The following ABR variants were observed in gnomAD, a reference collection of about 807,000 sequenced individuals.
ABR encodes active breakpoint cluster region-related protein.
ABR carries 35 observed loss-of-function variants against 107.2 expected under a neutral mutation model. The observed-to-expected ratio is 0.33, with a 90% CI of 0.25 to 0.43. The LOEUF is 0.43. ABR is among the 20% of genes least tolerant of loss of function. ABR has a pLI of 1.00. For missense variants in ABR, 815 were observed against 1,115.2 expected (o/e 0.73, Z 3.83); for synonymous variants, 498 against 462.0 (o/e 1.08, Z -1.00).
intron 5 of ABR, 145 bp downstream of exon 5, chr17:1,083,375 G>T: frequency 2.3e-6 from 1 of 443,576 alleles, no homozygotes; most frequent in Non-Finnish European, 4.1e-6. Context: ...AAAATGTCAG[G>T]TGCAAGAAAG....
chr17:1,094,018 G>A (rs1366929933), intron 3 of ABR, among the ~76,000 whole-genome samples: 3 of 143,526 alleles, frequency 2.1e-5, no homozygotes, highest in African/African-American at 5.6e-5. Flanking sequence ...TCTGACCCTC[G>A]CTGTGCTAGA....
In ABR at chr17:1,203,254, G is replaced by T. The variant is rs1051563338; in HGVS notation, c.838+25539C>A. 5.2e-4 allele frequency among the ~76,000 whole-genome samples: 79 copies of T among 152,030 alleles called. 1 individual carries two copies. The highest frequency in any genetic ancestry group is 1.7e-3 in the African/African-American group (72 of 41,534). ...GATCCTGGGGAGACTCCTTGGAAGG[G>T]GCTTCGGATCCAGCCAGGCTCCCGC... On this transcript the variant is annotated intron_variant, in intron 1 of 22. Coordinates refer to the ABR transcript ENST00000574139.
At chr17:1,181,101 C>A (rs2042119830), upstream of ABR, among the ~76,000 whole-genome samples, 1 of 152,196 alleles carries the variant, frequency 6.6e-6, no homozygotes, top group Non-Finnish European at 1.5e-5. Flanking sequence ...CCTACAGAGG[C>A]CTACCAGGAA....
In ABR at chr17:1,095,389, C is replaced by T. The variant is rs74376196; in HGVS notation, c.346-3539G>A. ...CTTGGCTGTTACTCCTGATTTCACT[C>T]GCGGGGAGGGGACAGGGCTGGGTGT... On this transcript the variant is annotated intron_variant, in intron 3 of 22. Transcript: ENST00000302538. Among the ~76,000 whole-genome samples the T allele has an allele frequency of 6.0e-3, 920 of 152,260 alleles. 8 individuals are homozygous for T. Among genetic ancestry groups the T allele is most frequent in the African/African-American group, 0.021 (854 of 41,542 alleles).
Position 1,125,565 on chromosome 17 carries a change from C to T in ABR, c.62-198G>A, listed in dbSNP as rs973250341. 5.3e-5 allele frequency: 21 copies of T among 395,658 alleles called. 1 individual carries two copies. Among genetic ancestry groups the T allele is most frequent in the Non-Finnish European group, 8.3e-5 (19 of 229,362 alleles). 24.5% of individuals were successfully genotyped at this position (395,658 alleles called of 1,614,324 possible). On this transcript the variant is annotated intron_variant, in intron 1 of 22. Transcript: ENST00000302538. ...GAGCCAGCAGGCACCGGGCCCTGCC[C>T]GCTCCGGGGCTGCTGGGAGGCGGGG...
chr17:1,152,106 G>A (rs964155757), intron 1 of ABR, among the ~76,000 whole-genome samples: 7 of 152,100 alleles, frequency 4.6e-5, no homozygotes, highest in Non-Finnish European at 7.4e-5. Context: ...TGGTTAACAC[G>A]GGGAAACCCC....
At chr17:1,038,681 C>T (rs1299289822) in intron 16 of ABR, among the ~76,000 whole-genome samples, 1 of 152,230 alleles carries the variant, frequency 6.6e-6, no homozygotes, top group African/African-American at 2.4e-5. Context: ...AAGGGCGGGG[C>T]TGGCCACGAG....
chr17:1,191,498 C>G (rs1323284482), upstream of ABR, among the ~76,000 whole-genome samples: 1 of 151,788 alleles, frequency 6.6e-6, no homozygotes, highest in Non-Finnish European at 1.5e-5. Flanking sequence ...GCTGGGACTA[C>G]AGGCGCCCGC....
chr17:1,224,059 G>A (rs959784731), intron 1 of ABR, among the ~76,000 whole-genome samples: 1 of 152,142 alleles, frequency 6.6e-6, no homozygotes, highest in Non-Finnish European at 1.5e-5. Flanking sequence ...AAGCCCTTAG[G>A]GTTAGCGACG....
At position 1,011,708 on chromosome 17, in the gene ABR, A is replaced by G; in HGVS notation, c.2101+138T>C. 9.0e-7 allele frequency: 1 copy of G among 1,105,664 alleles called. No individual in the cohort carries two copies. The allele number at this position is 1,105,664 out of a possible 1,614,324, so 68.5% of individuals were successfully genotyped here. A position where few individuals can be genotyped will look rare whatever the true frequency, so the allele number is the denominator to read the frequency against. On this transcript the variant is annotated intron_variant, in intron 19 of 22. Coordinates refer to ENST00000302538, the MANE Select transcript of ABR (RefSeq NM_021962.5). The surrounding 1 kb of genome is among the most constrained non-coding windows in gnomAD (Gnocchi z 4.8). The stretch of plus-strand genomic sequence containing the variant: ...TGGAGGGGAGGGGATTACAAGAGAA[A>G]GCACTTGCCACGGGGACTCTGAAGC...
In ABR at chr17:1,177,743, C is replaced by T. The variant is rs748643902; in HGVS notation, c.61+1924G>A. ...CCAGAAACACTCAGGAACATAAGCA[C>T]GCGTGAATCTGAGGCATTGTTATGA... On this transcript the variant is annotated intron_variant, in intron 1 of 22. Coordinates refer to ENST00000302538, the MANE Select transcript of ABR (RefSeq NM_021962.5). Among the ~76,000 whole-genome samples the T allele has an allele frequency of 5.9e-5, 9 of 152,312 alleles. No homozygotes were observed. The East Asian group carries it at 1.2e-3, about 20-fold the overall frequency.
intron 16 of ABR, among the ~76,000 whole-genome samples, chr17:1,043,263 G>C (rs2150988703): frequency 6.6e-6 from 1 of 152,214 alleles, no homozygotes. Flanking sequence ...TGCCTCCCAG[G>C]TTCAAGCAAT....
chr17:1,153,415 GGTCC>G (rs2040885905), intron 1 of ABR, among the ~76,000 whole-genome samples: 2 of 148,766 alleles, frequency 1.3e-5, no homozygotes, highest in African/African-American at 2.5e-5. Flanking sequence ...GAGGGCTGGG[GGTCC>G]AGGCACACCT....
chr17:1,195,781 G>A (rs1157528719), intron 1 of ABR, among the ~76,000 whole-genome samples: 2 of 144,222 alleles, frequency 1.4e-5, no homozygotes, highest in African/African-American at 5.4e-5. Flanking sequence ...TCCAGCCTGC[G>A]CAACAGAGCG....
chr17:1,079,413 C>T, intron 5 of ABR, 23 bp from the exon 6 acceptor site: 6 of 1,607,068 alleles, frequency 3.7e-6, no homozygotes, highest in Non-Finnish European at 5.1e-6. Flanking sequence ...GGAGAGGAGT[C>T]ATGGCCTGTT....
chr17:1,210,005 G>A lies in ABR; in HGVS notation c.838+18788C>T, dbSNP rs1464810208. On this transcript the variant is annotated intron_variant, in intron 1 of 22. Transcript: ENST00000574139. The surrounding 1 kb of genome is among the most constrained non-coding windows in gnomAD (Gnocchi z 5.6). ...GAAGAAAACAGATACATATGCCAAA[G>A]TGCCTTCAGAACCTCCAACAAATTA... Among the ~76,000 whole-genome samples, 1 of 152,090 alleles carries A rather than the reference G, an allele frequency of 6.6e-6. No homozygotes were observed. Among genetic ancestry groups the A allele is most frequent in the African/African-American group, 2.4e-5 (1 of 41,406 alleles).
At chr17:1,062,023 C>G (rs1000846768) in intron 10 of ABR, among the ~76,000 whole-genome samples, 3 of 152,214 alleles carry the variant, frequency 2.0e-5, no homozygotes, top group Non-Finnish European at 4.4e-5. Context: ...GGGGACAGGG[C>G]ACCCAACCAA....
chr17:1,109,503 G>C (rs1284689368), intron 2 of ABR, among the ~76,000 whole-genome samples: 2 of 152,038 alleles, frequency 1.3e-5, no homozygotes, highest in Non-Finnish European at 2.9e-5. Context: ...GGCTGGCGGA[G>C]GCTTCTGCGG....
rs1388886798 is a variant in ABR at position 1,203,416 on chromosome 17, C to A, written c.838+25377G>T. On this transcript the variant is annotated intron_variant, in intron 1 of 22. Transcript: ENST00000574139. ...CGGGGCCCGCGGGGGGCGGAGTCTG[C>A]GGGGGCGGGGCCCGCGGGGACGGAG... 8.3e-4 allele frequency among the ~76,000 whole-genome samples: 50 copies of A among 59,918 alleles called. 14 individuals are homozygous for A. The highest frequency in any genetic ancestry group is 6.3e-3 in the Admixed American group (31 of 4,936). 39.3% of individuals were successfully genotyped at this position (59,918 alleles called of 152,430 possible). A position where few individuals can be genotyped will look rare whatever the true frequency, so the allele number is the denominator to read the frequency against.
Sources: gnomAD v4.1 joint callset for allele counts (sites outside exome capture counted in the v4.1 genomes callset) on GRCh38, gnomAD v4.1.1 for gene constraint, Gnocchi (gnomAD v3.1) non-coding constraint, MANE v1.5 for transcripts, NCBI Gene and HGNC (gene_info 2026-07-23, HGNC 2026-07-21) for gene names.